CRB1: variants seen among roughly 807,000 people sequenced by gnomAD.
CRB1 encodes protein crumbs homolog 1.
CRB1 carries 83 observed loss-of-function variants against 120.0 expected under a neutral mutation model. That is an observed-to-expected ratio of 0.69 (90% CI 0.58 to 0.83). The LOEUF (loss-of-function observed/expected upper bound fraction) is 0.83. Ranked by LOEUF, CRB1 falls within the 40% of genes least tolerant of loss-of-function variation. The pLI, the probability that CRB1 is intolerant of heterozygous loss-of-function variation, is 0.00. For synonymous variants in CRB1, 625 were observed against 612.5 expected (o/e 1.02, Z -0.30); for missense variants, 1,699 against 1,687.6 (o/e 1.01, Z -0.12).
chr1:197,248,043 C>T, the CRB1 span, among the ~76,000 whole-genome samples: 3 of 151,852 alleles, frequency 2.0e-5, no homozygotes, highest in Non-Finnish European at 4.4e-5. Context: ...ATGATTAATA[C>T]ATTAAATAAA....
At chr1:197,332,147 C>CA (rs550936836) in intron 2 of CRB1, among the ~76,000 whole-genome samples, 2 of 151,486 alleles carry the variant, frequency 1.3e-5, no homozygotes, top group Non-Finnish European at 2.9e-5. Flanking sequence ...CTCAAAAAAA[C>CA]AAAAAACAAA....
intron 11 of CRB1, among the ~76,000 whole-genome samples, chr1:197,471,027 T>C (rs1355378070): frequency 1.3e-5 from 2 of 152,124 alleles, no homozygotes; most frequent in Non-Finnish European, 2.9e-5. Context: ...GTTTTTTTTT[T>C]CTCATTTATC....
At chr1:197,434,362 AT>A (rs1665019811) in intron 8 of CRB1, among the ~76,000 whole-genome samples, 1 of 152,280 alleles carries the variant, frequency 6.6e-6, no homozygotes, top group South Asian at 2.1e-4. Flanking sequence ...ATTGGCATGC[AT>A]TAGGATTTCA....
chr1:197,217,201 A>C, the CRB1 span, among the ~76,000 whole-genome samples: 1 of 152,170 alleles, frequency 6.6e-6, no homozygotes, highest in East Asian at 1.9e-4. Flanking sequence ...TTTCATACCT[A>C]CTAAGATGGC....
upstream of CRB1, among the ~76,000 whole-genome samples, chr1:197,265,983 A>G (rs970371537): frequency 1.2e-4 from 18 of 152,246 alleles, no homozygotes; most frequent in Non-Finnish European, 2.6e-4. Context: ...ACTGAAAATC[A>G]AACTTCCTTG....
intron 5 of CRB1, among the ~76,000 whole-genome samples, chr1:197,395,930 G>A (rs919828683): frequency 6.6e-6 from 1 of 152,118 alleles, no homozygotes; most frequent in South Asian, 2.1e-4. Context: ...CAGAGATCAA[G>A]ATTAACACAA....
chr1:197,202,256 A>C, the CRB1 span, among the ~76,000 whole-genome samples: 2 of 152,186 alleles, frequency 1.3e-5, no homozygotes, highest in Non-Finnish European at 2.9e-5. Flanking sequence ...GAGGCTATGA[A>C]GAAACTTGCC....
intron 6 of CRB1, 107 bp from the exon 7 acceptor site, chr1:197,427,347 G>A: frequency 1.2e-6 from 1 of 832,748 alleles, no homozygotes; most frequent in Non-Finnish European, 2.0e-6. Context: ...ATGCTTGTGT[G>A]CATGTGTGTG....
At position 197,285,021 on chromosome 1, in the gene CRB1, T is replaced by C. The variant is rs1655743019; in HGVS notation, c.70+16539T>C. ...ACTTTAAATATTCATTACAGGAATATTGAGGGATGATGGCAAGTCATGGTC... is the reference window on the plus strand; with the variant it reads ...ACTTTAAATATTCATTACAGGAATACTGAGGGATGATGGCAAGTCATGGTC... On this transcript the variant is annotated intron_variant, in intron 1 of 11. Transcript: ENST00000367400. Among the ~76,000 whole-genome samples, 3 of 151,852 alleles carry C rather than the reference T, an allele frequency of 2.0e-5. No homozygotes were observed. In the South Asian group the frequency reaches 6.2e-4, roughly 31 times the overall value.
At chr1:197,202,964 T>G in the CRB1 span, among the ~76,000 whole-genome samples, 1 of 143,684 alleles carries the variant, frequency 7.0e-6, no homozygotes, top group Non-Finnish European at 1.6e-5. Flanking sequence ...GTCTTTGTGG[T>G]GTGTGTGTGT....
the CRB1 span, among the ~76,000 whole-genome samples, chr1:197,207,941 G>A: frequency 6.6e-6 from 1 of 151,720 alleles, no homozygotes; most frequent in Non-Finnish European, 1.5e-5. Flanking sequence ...TGTTTTGGTT[G>A]GATTGAGTTA....
chr1:197,326,291 G>A (rs745536015), intron 1 of CRB1, among the ~76,000 whole-genome samples: 1 of 152,134 alleles, frequency 6.6e-6, no homozygotes, highest in Admixed American at 6.5e-5. Flanking sequence ...TCCATAGCTA[G>A]CATTTTGCTG....
the CRB1 span, among the ~76,000 whole-genome samples, chr1:197,243,457 G>C: frequency 8.5e-5 from 13 of 152,216 alleles, no homozygotes; most frequent in African/African-American, 2.9e-4. Flanking sequence ...TTCAGGAGGA[G>C]GTTTTCTGTT....
chr1:197,349,458 A>G (rs954921961), intron 4 of CRB1, among the ~76,000 whole-genome samples: 41 of 152,110 alleles, frequency 2.7e-4, no homozygotes, highest in Non-Finnish European at 4.4e-5. Flanking sequence ...ATTTACTGGG[A>G]AAAAATGATA....
chr1:197,256,401 C>T, the CRB1 span, among the ~76,000 whole-genome samples: 2 of 151,864 alleles, frequency 1.3e-5, no homozygotes, highest in Non-Finnish European at 2.9e-5. Flanking sequence ...GTTATTATCT[C>T]TCCAAATGGC....
At chr1:197,335,739 C>T (rs1464590417) in intron 2 of CRB1, among the ~76,000 whole-genome samples, 1 of 152,210 alleles carries the variant, frequency 6.6e-6, no homozygotes, top group Non-Finnish European at 1.5e-5. Context: ...AGCCTGTGAT[C>T]CGCCGCCTAG....
intron 1 of CRB1, among the ~76,000 whole-genome samples, chr1:197,297,533 C>T (rs1022640356): frequency 1.7e-4 from 26 of 152,016 alleles, no homozygotes; most frequent in Admixed American, 1.2e-3. Context: ...TGACCAGTAG[C>T]GTTGCTATGT....
chr1:197,382,995 C>T (rs1416946165), intron 5 of CRB1, among the ~76,000 whole-genome samples: 1 of 152,148 alleles, frequency 6.6e-6, no homozygotes, highest in Non-Finnish European at 1.5e-5. Context: ...AACAGAAGTA[C>T]AAAATTGGTA....
At chr1:197,342,338 C>T (rs1316391599) in intron 2 of CRB1, among the ~76,000 whole-genome samples, 1 of 152,136 alleles carries the variant, frequency 6.6e-6, no homozygotes, top group Non-Finnish European at 1.5e-5. Context: ...ATCTTGACAT[C>T]TCCCCAACAA....
Sources: gnomAD v4.1 joint callset for allele counts (sites outside exome capture counted in the v4.1 genomes callset) on GRCh38, gnomAD v4.1.1 for gene constraint, MANE v1.5 for transcripts, NCBI Gene and HGNC (gene_info 2026-07-23, HGNC 2026-07-21) for gene names.